Variants in TAF4 observed in about 807,000 individuals in gnomAD.
TAF4 encodes transcription initiation factor TFIID subunit 4.
A neutral mutation model predicts 90.3 loss-of-function variants in TAF4; 9 were observed. The observed-to-expected ratio is 0.10, with a 90% CI of 0.06 to 0.17. The LOEUF is 0.17. Ranked by LOEUF, TAF4 falls within the 10% of genes least tolerant of loss-of-function variation. The probability of loss-of-function intolerance (pLI) is 1.00; values close to 1 mark genes in which losing one functional copy is unlikely to be tolerated. For missense variants in TAF4, 1,351 were observed against 1,370.7 expected (o/e 0.99, Z 0.23); for synonymous variants, 818 against 638.9 (o/e 1.28, Z -4.23).
chr20:62,023,910 C>T (rs2055859796), intron 1 of TAF4, among the ~76,000 whole-genome samples: 2 of 151,884 alleles, frequency 1.3e-5, no homozygotes. Context: ...TGGTGAAGTC[C>T]CATCTCTACT....
intron 1 of TAF4, among the ~76,000 whole-genome samples, chr20:62,048,102 C>A (rs1426314356): frequency 6.6e-6 from 1 of 152,206 alleles, no homozygotes; most frequent in African/African-American, 2.4e-5. Flanking sequence ...AAAGTCACCT[C>A]TGAAAATCCC....
At chr20:61,994,108 A>G (rs1241287824) in intron 14 of TAF4, among the ~76,000 whole-genome samples, 3 of 37,178 alleles carry the variant, frequency 8.1e-5, no homozygotes, top group African/African-American at 2.6e-4. Flanking sequence ...AAATCCAGGA[A>G]AAAAAAAAAA....
At chr20:61,996,602 C>A (rs1324411811) in intron 14 of TAF4, among the ~76,000 whole-genome samples, 2 of 151,650 alleles carry the variant, frequency 1.3e-5, no homozygotes, top group African/African-American at 4.8e-5. Flanking sequence ...AGATCGAGAC[C>A]ATCCTGGCCA....
chr20:62,030,212 C>G (rs900061635), intron 1 of TAF4, among the ~76,000 whole-genome samples: 1 of 152,348 alleles, frequency 6.6e-6, no homozygotes, highest in Admixed American at 6.5e-5. Context: ...CCAACGAGCC[C>G]GCCAGGAAAC....
At chr20:62,000,408 C>G in intron 10 of TAF4, 144 bp downstream of exon 10, 3 of 1,395,430 alleles carry the variant, frequency 2.1e-6, no homozygotes, top group Non-Finnish European at 1.9e-6. Context: ...CCATATTTTA[C>G]CCAAGAACCA....
Position 62,065,767 on chromosome 20 carries a change from C to T in TAF4, c.44G>A (p.Ser15Asn). 7.4e-7 allele frequency: 1 copy of T among 1,345,166 alleles called. No individual in the cohort carries two copies. The highest frequency in any genetic ancestry group is 9.7e-7 in the Non-Finnish European group (1 of 1,030,392). The allele number at this position is 1,345,166 out of a possible 1,614,324, so 83.3% of individuals were successfully genotyped here. Residue 15 changes from serine (S) to asparagine (N), a missense_variant, in exon 1 of 15, where the codon AGC (serine) becomes AAC (asparagine). Physicochemically the swap from Ser to Asn is conservative, Grantham distance 46. Transcript: ENST00000252996. ...SDLLDEVFFNSEVDEKVVSDL... is the reference protein window; with the variant it reads ...SDLLDEVFFNNEVDEKVVSDL... ...GCTCACCACTTTCTCGTCCACCTCG[C>T]TGTTGAAGAAGACCTCGTCCAGCAG...
chr20:61,986,023 C>A (rs1283553990), intron 14 of TAF4, among the ~76,000 whole-genome samples: 182 of 110,006 alleles, frequency 1.7e-3, no homozygotes, highest in Middle Eastern at 5.7e-3. Flanking sequence ...CACCATCCCC[C>A]ATCAAAGGAA....
intron 14 of TAF4, chr20:61,980,225 A>T (rs1568919752): frequency 6.6e-6 from 1 of 152,328 alleles, no homozygotes; most frequent in African/African-American, 2.4e-5. Flanking sequence ...TATGTGCCAT[A>T]GACACTCAGT....
chr20:62,049,390 G>C, intron 1 of TAF4, among the ~76,000 whole-genome samples: 1 of 152,086 alleles, frequency 6.6e-6, no homozygotes, highest in East Asian at 1.9e-4. Context: ...CAACACACAG[G>C]CCCACTTCTG....
chr20:61,999,107 T>C lies in TAF4; in HGVS notation c.2789A>G (p.Asp930Gly). 6.2e-7 allele frequency: 1 copy of C among 1,613,966 alleles called. No homozygotes were observed. The highest frequency in any genetic ancestry group is 8.5e-7 in the Non-Finnish European group (1 of 1,179,976). The change falls in exon 12 of 15, where the codon GAT becomes GGT. Residue 930 changes from aspartate to glycine, a missense_variant and splice_region_variant. Asp to Gly is a moderately conservative substitution (Grantham distance 94, BLOSUM62 -1). Coordinates refer to ENST00000252996, the MANE Select transcript of TAF4 (RefSeq NM_003185.4). Reference protein sequence around the residue: ...TAQQKNFSYKDDDRYEQASDV... With the variant: ...TAQQKNFSYKGDDRYEQASDV... ...ACTCGCCTGCTCATATCTGTCGTCA[T>C]CCTATGAAGAAAGTTAAAATACTGC...
intron 14 of TAF4, among the ~76,000 whole-genome samples, chr20:61,995,541 C>T (rs2055657876): frequency 6.6e-6 from 1 of 151,990 alleles, no homozygotes; most frequent in Non-Finnish European, 1.5e-5. Flanking sequence ...AACTGGAGCC[C>T]CAGCAGAAGA....
In TAF4 at chr20:62,006,718, G is replaced by T; in HGVS notation, c.2015C>A (p.Ala672Glu). 2 of 1,567,228 alleles carry T rather than the reference G, an allele frequency of 1.3e-6. No homozygotes were observed. Among genetic ancestry groups the T allele is most frequent in the Non-Finnish European group, 8.7e-7 (1 of 1,151,090 alleles). ...CTGCTGGCTCTGCTGGATGAAGGCC[G>T]CGGAGTCGGGGGTCAGCTGTCTCAA... ...PALRQLTPDSAAFIQQSQQQP... is the reference protein window; with the variant it reads ...PALRQLTPDSEAFIQQSQQQP... The change falls in exon 7 of 15, where the codon GCG becomes GAG. Residue 672 changes from alanine to glutamate, a missense_variant. Coordinates refer to ENST00000252996, the MANE Select transcript of TAF4 (RefSeq NM_003185.4). The surrounding 1 kb of genome is among the most constrained non-coding windows in gnomAD (Gnocchi z 7.0).
chr20:62,008,555 TG>T (rs1256915276), intron 5 of TAF4, among the ~76,000 whole-genome samples: 1 of 20,152 alleles, frequency 5.0e-5, no homozygotes, highest in African/African-American at 1.8e-4. Context: ...GGGGTGGGGG[TG>T]GGGGGGACGG....
chr20:62,020,318 A>C (rs1286533649), intron 1 of TAF4, among the ~76,000 whole-genome samples: 1 of 152,130 alleles, frequency 6.6e-6, no homozygotes, highest in Non-Finnish European at 1.5e-5. Flanking sequence ...TCTCAGCCCC[A>C]GCTCTCCTCC....
chr20:62,017,434 A>G (rs923987557), intron 1 of TAF4, among the ~76,000 whole-genome samples: 4 of 151,620 alleles, frequency 2.6e-5, no homozygotes, highest in African/African-American at 9.7e-5. Flanking sequence ...GTCAGGAGAT[A>G]GAGACCATCC....
intron 1 of TAF4, among the ~76,000 whole-genome samples, chr20:62,033,748 A>AG (rs1260742870): frequency 6.6e-6 from 1 of 151,670 alleles, no homozygotes; most frequent in East Asian, 1.9e-4. Flanking sequence ...AAAAAAAAAA[A>AG]AAAAAGAAAA....
intron 1 of TAF4, among the ~76,000 whole-genome samples, chr20:62,062,255 C>G (rs760703469): frequency 1.3e-5 from 2 of 152,134 alleles, no homozygotes; most frequent in African/African-American, 2.4e-5. Context: ...GAAAACGGAA[C>G]CAACTAGAAC....
At chr20:62,001,569 G>A (rs555186041) in intron 9 of TAF4, among the ~76,000 whole-genome samples, 16 of 152,264 alleles carry the variant, frequency 1.1e-4, no homozygotes, top group Admixed American at 7.8e-4. Flanking sequence ...CCTGCCTGGC[G>A]TCTCCTGGGG....
chr20:62,013,950 T>TGTGTGTGTGTGA (rs1491288481), intron 2 of TAF4, among the ~76,000 whole-genome samples: 2 of 126,298 alleles, frequency 1.6e-5, no homozygotes, highest in African/African-American at 3.1e-5. Context: ...TGTGTGTGTG[T>TGTGTGTGTGTGA]GAATCCGTGC....
Sources: allele counts gnomAD v4.1 joint callset (sites outside exome capture counted in the v4.1 genomes callset), GRCh38; gene constraint gnomAD v4.1.1; non-coding constraint Gnocchi (gnomAD v3.1); transcripts MANE v1.5; gene names NCBI Gene and HGNC (gene_info 2026-07-23, HGNC 2026-07-21).